DCLRE1C: variants seen among roughly 807,000 people sequenced by gnomAD.
The protein encoded by DCLRE1C is DNA cross-link repair 1C, also known as protein artemis.
DCLRE1C carries 47 observed loss-of-function variants against 61.4 expected under a neutral mutation model. The ratio of observed to expected loss-of-function variants is 0.77; its 90% CI spans 0.61 to 0.98. The LOEUF is 0.98. DCLRE1C is among the 50% of genes least tolerant of loss of function. The probability of loss-of-function intolerance (pLI) is 0.00; values close to 1 mark genes in which losing one functional copy is unlikely to be tolerated. For missense variants in DCLRE1C, 858 were observed against 816.0 expected, an observed-to-expected ratio of 1.05 and a Z score of -0.63; for synonymous variants, 337 against 287.6, an observed-to-expected ratio of 1.17 and a Z score of -1.74.
chr10:14,945,234 G>A, intron 2 of DCLRE1C, 45 bp from the exon 3 acceptor site: 1 of 1,556,838 alleles, frequency 6.4e-7, no homozygotes, highest in Non-Finnish European at 8.8e-7. Context: ...TCCAAAATGA[G>A]CCATCTTGGT....
chr10:14,946,306 A>C (rs11259402), intron 2 of DCLRE1C, among the ~76,000 whole-genome samples: 4,308 of 152,012 alleles, frequency 0.028, 225 homozygotes, highest in African/African-American at 0.097. Context: ...CCGCGCCCAG[A>C]CCATAATAAA....
At chr10:14,938,391 T>C (rs1178078468) in intron 4 of DCLRE1C, among the ~76,000 whole-genome samples, 2 of 152,112 alleles carry the variant, frequency 1.3e-5, no homozygotes, top group African/African-American at 4.8e-5. Flanking sequence ...TCTGTAGTCC[T>C]CCCTCAGGAT....
chr10:14,925,225 TAAAAA>T (rs67477083), intron 11 of DCLRE1C, among the ~76,000 whole-genome samples: 23 of 109,326 alleles, frequency 2.1e-4, no homozygotes, highest in South Asian at 1.8e-3. Flanking sequence ...ATAAAGGATT[TAAAAA>T]AAAAAAAAAA....
chr10:14,936,387 A>G (rs1436933628), intron 5 of DCLRE1C, 151 bp downstream of exon 5: 3 of 535,824 alleles, frequency 5.6e-6, no homozygotes, highest in African/African-American at 3.9e-5. Flanking sequence ...AGCTCAAGCA[A>G]TCCTCCCGCG....
At chr10:14,931,412 C>A (rs1293949602) in intron 9 of DCLRE1C, among the ~76,000 whole-genome samples, 1 of 151,796 alleles carries the variant, frequency 6.6e-6, no homozygotes, top group Non-Finnish European at 1.5e-5. Context: ...ACAAAAATTA[C>A]CCAGGTGTGG....
intron 11 of DCLRE1C, chr10:14,923,308 A>G: frequency 2.0e-6 from 1 of 488,626 alleles, no homozygotes; most frequent in Non-Finnish European, 3.7e-6. Flanking sequence ...GTACATTTAA[A>G]TATTCCCCAG....
downstream of DCLRE1C, among the ~76,000 whole-genome samples, chr10:14,899,857 AAATT>A (rs1402939762): frequency 6.6e-6 from 1 of 152,250 alleles, no homozygotes; most frequent in Non-Finnish European, 1.5e-5. Flanking sequence ...TGTATTAGGA[AAATT>A]AAACATTGAG....
chr10:14,937,368 C>A (rs1358262198), intron 4 of DCLRE1C, among the ~76,000 whole-genome samples: 1 of 150,340 alleles, frequency 6.7e-6, no homozygotes, highest in African/African-American at 2.5e-5. Flanking sequence ...TCACTGCAAC[C>A]TCTGCCTCCT....
At chr10:14,923,325 C>A in intron 11 of DCLRE1C, 1 of 444,072 alleles carries the variant, frequency 2.3e-6, no homozygotes, top group Middle Eastern at 6.6e-4. Flanking sequence ...CCAGGTGATT[C>A]TGATCCACAG....
intron 3 of DCLRE1C, among the ~76,000 whole-genome samples, chr10:14,944,435 G>A (rs1398642149): frequency 6.6e-6 from 1 of 152,020 alleles, no homozygotes; most frequent in Non-Finnish European, 1.5e-5. Flanking sequence ...GGAGGCAGAG[G>A]TTGCAGTGAG....
At chr10:14,943,624 C>A (rs577927670) in intron 3 of DCLRE1C, among the ~76,000 whole-genome samples, 1 of 152,336 alleles carries the variant, frequency 6.6e-6, no homozygotes, top group East Asian at 1.9e-4. Context: ...ACGATCTCAG[C>A]TCACTGCAAC....
chr10:14,929,867 TG>T (rs1564424104), intron 9 of DCLRE1C, among the ~76,000 whole-genome samples: 1 of 152,030 alleles, frequency 6.6e-6, no homozygotes, highest in African/African-American at 2.4e-5. Flanking sequence ...GAGTTAAGAG[TG>T]GACTCTATGA....
chr10:14,930,221 C>A (rs1295910503), intron 9 of DCLRE1C, among the ~76,000 whole-genome samples: 2 of 151,320 alleles, frequency 1.3e-5, no homozygotes, highest in Non-Finnish European at 1.5e-5. Flanking sequence ...AAGCAATTCT[C>A]CCACCTCAGC....
chr10:14,941,464 T>C (rs1038041010), intron 3 of DCLRE1C, among the ~76,000 whole-genome samples: 22 of 152,184 alleles, frequency 1.4e-4, no homozygotes, highest in Admixed American at 1.4e-3. Flanking sequence ...TTTAAGGTTT[T>C]TTTGTAGACA....
intron 11 of DCLRE1C, among the ~76,000 whole-genome samples, chr10:14,924,755 G>A (rs535435455): frequency 1.6e-4 from 24 of 152,156 alleles, no homozygotes; most frequent in African/African-American, 5.3e-4. Flanking sequence ...GTTGAGGCAG[G>A]AGAATGGTGT....
At chr10:14,934,569 G>C (rs1839585882) in intron 7 of DCLRE1C, 49 bp from the exon 8 acceptor site, 2 of 1,613,874 alleles carry the variant, frequency 1.2e-6, no homozygotes, top group Non-Finnish European at 1.7e-6. Flanking sequence ...GCCGCACATA[G>C]CCTTTTCCTT....
At chr10:14,898,253 A>G (rs1459725818) in exon 14 of DCLRE1C, 1 of 95,210 alleles carries the variant, frequency 1.1e-5, no homozygotes, top group African/African-American at 4.4e-5. Flanking sequence ...TGTTATGTCC[A>G]TTATTGTAGA....
intron 4 of DCLRE1C, among the ~76,000 whole-genome samples, chr10:14,939,150 G>A (rs1840464145): frequency 6.6e-6 from 1 of 152,100 alleles, no homozygotes; most frequent in South Asian, 2.1e-4. Context: ...TAAGAACCAG[G>A]AAGTGGCCAG....
intron 12 of DCLRE1C, among the ~76,000 whole-genome samples, chr10:14,921,632 C>T (rs372568675): frequency 6.6e-5 from 10 of 152,124 alleles, no homozygotes; most frequent in Non-Finnish European, 1.0e-4. Context: ...ACCAAGGAAA[C>T]GGGACACCTG....
Sources: gnomAD v4.1 joint callset for allele counts (sites outside exome capture counted in the v4.1 genomes callset) on GRCh38, gnomAD v4.1.1 for gene constraint, MANE v1.5 for transcripts, NCBI Gene and HGNC (gene_info 2026-07-23, HGNC 2026-07-21) for gene names.